Variants in IPCEF1 observed in about 807,000 individuals in gnomAD.
IPCEF1 encodes interaction protein for cytohesin exchange factors 1.
Under a neutral mutation model 50.9 loss-of-function variants are expected in IPCEF1, and 31 were observed. That is an observed-to-expected ratio of 0.61 (90% CI 0.46 to 0.82). The LOEUF is 0.82. Ranked by LOEUF, IPCEF1 falls within the 40% of genes least tolerant of loss-of-function variation. IPCEF1 has a pLI of 0.00. For missense variants in IPCEF1, 458 were observed against 514.0 expected (o/e 0.89, Z 1.05); for synonymous variants, 181 against 192.0 (o/e 0.94, Z 0.47).
At chr6:154,166,527 C>T (rs915662350) in intron 11 of IPCEF1, among the ~76,000 whole-genome samples, 6 of 152,222 alleles carry the variant, frequency 3.9e-5, no homozygotes, top group Non-Finnish European at 5.9e-5. Context: ...TCACGGATTT[C>T]GTGACAGTGT....
intron 1 of IPCEF1, among the ~76,000 whole-genome samples, chr6:154,337,783 C>A (rs1308294058): frequency 2.6e-5 from 4 of 152,162 alleles, no homozygotes; most frequent in Admixed American, 2.6e-4. Flanking sequence ...AGAAAACTAG[C>A]TCTGAGCAGT....
chr6:154,160,104 C>T, intron 11 of IPCEF1, 64 bp from the exon 12 acceptor site: 1 of 1,240,964 alleles, frequency 8.1e-7, no homozygotes, highest in Non-Finnish European at 1.2e-6. Flanking sequence ...CATAAACCAT[C>T]TTTACCAACT....
At chr6:154,183,733 T>C (rs1801094359) in intron 10 of IPCEF1, among the ~76,000 whole-genome samples, 1 of 151,928 alleles carries the variant, frequency 6.6e-6, no homozygotes, top group South Asian at 2.1e-4. Context: ...ACCCCATCTG[T>C]ACCAAAAATA....
chr6:154,209,911 G>T (rs1777829917), intron 9 of IPCEF1, among the ~76,000 whole-genome samples: 1 of 152,074 alleles, frequency 6.6e-6, no homozygotes, highest in Non-Finnish European at 1.5e-5. Flanking sequence ...GCCAAAAAAT[G>T]CTCAACTTAG....
intron 2 of IPCEF1, among the ~76,000 whole-genome samples, chr6:154,272,938 T>A (rs1397003665): frequency 7.9e-5 from 12 of 152,226 alleles, no homozygotes; most frequent in Non-Finnish European, 1.8e-4. Flanking sequence ...AAGGTAACTG[T>A]CCTGGTTATT....
intron 1 of IPCEF1, among the ~76,000 whole-genome samples, chr6:154,318,705 C>G (rs1290085639): frequency 1.7e-5 from 2 of 114,644 alleles, no homozygotes; most frequent in Admixed American, 1.8e-4. Context: ...AGAGTGAGAC[C>G]CTGTCTCAAA....
Position 154,258,321 on chromosome 6 carries a change from C to T in IPCEF1, c.36+7591G>A, listed in dbSNP as rs961607211. On this transcript the variant is annotated intron_variant, in intron 3 of 11. Coordinates refer to ENST00000367220, the MANE Select transcript of IPCEF1 (RefSeq NM_001130700.2). ...ACTTCAGCTTGGTGTGGTTAAGAAA[C>T]TTCTCCACAGATCACGCACAGCTAG... Among the ~76,000 whole-genome samples the T allele has an allele frequency of 3.9e-5, 6 of 152,326 alleles. No homozygotes were observed. In the East Asian group the frequency reaches 9.7e-4, roughly 25 times the overall value.
rs532678466 is a variant in IPCEF1, at chr6:154,234,945, C to T, written c.246+11646G>A. Among the ~76,000 whole-genome samples, 115 of 152,314 alleles carry T rather than the reference C, an allele frequency of 7.6e-4. 1 individual carries two copies. The highest frequency in any genetic ancestry group is 6.8e-3 in the Middle Eastern group (2 of 294). ...GCTTCTGCTCAGTCTCATCTCTGCC[C>T]TATTCTTTCGGAAGCTTTAAAACCC... On this transcript the variant is annotated intron_variant, in intron 5 of 11. Transcript: ENST00000367220.
chr6:154,335,278 G>A (rs908233908), intron 1 of IPCEF1, among the ~76,000 whole-genome samples: 2 of 152,102 alleles, frequency 1.3e-5, no homozygotes, highest in African/African-American at 4.8e-5. Flanking sequence ...TCCCTCAACA[G>A]AACTCCTCTT....
At chr6:154,217,897 A>T (rs1562548244) in intron 7 of IPCEF1, among the ~76,000 whole-genome samples, 1 of 152,212 alleles carries the variant, frequency 6.6e-6, no homozygotes, top group South Asian at 2.1e-4. Context: ...TCTCCCAAAC[A>T]TGGAAATAGA....
At chr6:154,341,859 C>T (rs2128698176) in intron 1 of IPCEF1, among the ~76,000 whole-genome samples, 1 of 152,202 alleles carries the variant, frequency 6.6e-6, no homozygotes, top group East Asian at 1.9e-4. Flanking sequence ...ATGCCTTCAC[C>T]TAAAAAGAAG....
intron 11 of IPCEF1, among the ~76,000 whole-genome samples, chr6:154,165,613 T>C (rs1799364646): frequency 2.6e-5 from 4 of 152,196 alleles, no homozygotes; most frequent in African/African-American, 7.2e-5. Flanking sequence ...GAAAGAGCAG[T>C]TCCCTAGCTG....
In IPCEF1 at chr6:154,247,437, A is replaced by C. The variant is rs1432031749; in HGVS notation, c.76+12T>G. ...CAAAATGGAGATAAAGAAACAAAAG[A>C]GATCTAATTACCTTGAGTTTTCCTC... On this transcript the variant is annotated intron_variant, in intron 4 of 11. Transcript: ENST00000367220. 2 of 1,608,226 alleles carry C rather than the reference A, an allele frequency of 1.2e-6. No homozygotes were observed. Among genetic ancestry groups the C allele is most frequent in the Admixed American group, 3.3e-5 (2 of 59,986 alleles).
intron 1 of IPCEF1, among the ~76,000 whole-genome samples, chr6:154,314,519 A>G (rs933959821): frequency 6.6e-6 from 1 of 151,754 alleles, no homozygotes; most frequent in Non-Finnish European, 1.5e-5. Context: ...TTTTCTTCTT[A>G]CTTTTTAAAA....
At chr6:154,261,011 A>G (rs1346459047) in intron 3 of IPCEF1, among the ~76,000 whole-genome samples, 1 of 152,114 alleles carries the variant, frequency 6.6e-6, no homozygotes, top group Non-Finnish European at 1.5e-5. Context: ...AAGATTTCCC[A>G]ACACACAATG....
At chr6:154,300,374 A>C (rs1168542943) in intron 1 of IPCEF1, among the ~76,000 whole-genome samples, 1 of 152,108 alleles carries the variant, frequency 6.6e-6, no homozygotes, top group Non-Finnish European at 1.5e-5. Context: ...AATTTTAGGA[A>C]GCTGAGGCAG....
chr6:154,286,649 G>A (rs1333356565), intron 2 of IPCEF1, among the ~76,000 whole-genome samples: 1 of 152,214 alleles, frequency 6.6e-6, no homozygotes, highest in African/African-American at 2.4e-5. Context: ...GGGAGGGGAA[G>A]AAGAGAGGTG....
At chr6:154,188,160 T>C (rs1172662163) in intron 10 of IPCEF1, among the ~76,000 whole-genome samples, 1 of 152,230 alleles carries the variant, frequency 6.6e-6, no homozygotes, top group East Asian at 1.9e-4. Context: ...TTAGAAAGTT[T>C]GATTCTTAAA....
chr6:154,226,849 C>G (rs1583848566), intron 5 of IPCEF1, among the ~76,000 whole-genome samples: 1 of 152,182 alleles, frequency 6.6e-6, no homozygotes, highest in East Asian at 1.9e-4. Context: ...AATTTCATCT[C>G]TCCCCCTCCC....
Sources: allele counts gnomAD v4.1 joint callset (sites outside exome capture counted in the v4.1 genomes callset), GRCh38; gene constraint gnomAD v4.1.1; transcripts MANE v1.5; gene names NCBI Gene and HGNC (gene_info 2026-07-23, HGNC 2026-07-21).